Variants in ZEB1 observed in about 807,000 individuals in gnomAD.
ZEB1 encodes zinc finger E-box-binding homeobox 1.
In ZEB1, 21 loss-of-function variants were observed where a neutral mutation model predicts 84.9. The observed-to-expected ratio is 0.25, with a 90% confidence interval of 0.18 to 0.36. The LOEUF (loss-of-function observed/expected upper bound fraction) is 0.36, where lower values mean the gene tolerates loss of function less well. Ranked by LOEUF, ZEB1 falls within the 10% of genes least tolerant of loss-of-function variation. The pLI is 1.00. For synonymous variants in ZEB1, 420 were observed against 471.1 expected, an observed-to-expected ratio of 0.89 and a Z score of 1.41; for missense variants, 1,104 against 1,330.2, an observed-to-expected ratio of 0.83 and a Z score of 2.65.
intron 1 of ZEB1, among the ~76,000 whole-genome samples, chr10:31,457,626 C>T (rs962000121): frequency 1.3e-5 from 2 of 151,994 alleles, no homozygotes; most frequent in African/African-American, 4.8e-5. Flanking sequence ...CATAATCTAT[C>T]TTACAATGGC....
At chr10:31,353,258 ATACT>A (rs1590205191) in intron 1 of ZEB1, among the ~76,000 whole-genome samples, 4 of 152,340 alleles carry the variant, frequency 2.6e-5, no homozygotes, top group Admixed American at 6.5e-5. Flanking sequence ...TGTGATTATA[ATACT>A]TAAAGGTATG....
At chr10:31,415,703 C>A (rs2055106048) in intron 1 of ZEB1, among the ~76,000 whole-genome samples, 2 of 152,154 alleles carry the variant, frequency 1.3e-5, no homozygotes, top group Admixed American at 1.3e-4. Context: ...GGGAAAACTT[C>A]ATTTGAAAGC....
intron 4 of ZEB1, among the ~76,000 whole-genome samples, chr10:31,506,193 T>C (rs951523986): frequency 6.6e-6 from 1 of 152,062 alleles, no homozygotes. Context: ...CAACATACAG[T>C]CTATCCTAGA....
chr10:31,419,834 A>C (rs1440780349), intron 1 of ZEB1, among the ~76,000 whole-genome samples: 1 of 152,176 alleles, frequency 6.6e-6, no homozygotes, highest in Non-Finnish European at 1.5e-5. Context: ...AGACTGAATG[A>C]ATAAGTTAGG....
chr10:31,480,723 G>A (rs2064934403), intron 2 of ZEB1, among the ~76,000 whole-genome samples: 4 of 151,942 alleles, frequency 2.6e-5, no homozygotes. Context: ...TGTACATTTT[G>A]TCCTCTTTAA....
chr10:31,452,740 TGTGA>T (rs1262335596), intron 1 of ZEB1, among the ~76,000 whole-genome samples: 63 of 97,530 alleles, frequency 6.5e-4, no homozygotes, highest in East Asian at 6.2e-3. Context: ...TGTGTGTGTG[TGTGA>T]GAGAGAGAGA....
chr10:31,319,718 C>A (rs1348925830), intron 1 of ZEB1: 3 of 168,722 alleles, frequency 1.8e-5, no homozygotes, highest in Non-Finnish European at 2.5e-5. Context: ...TCCCCCTCCT[C>A]CTGGCCCCCT....
chr10:31,319,148 G>A (rs1290780317), upstream of ZEB1: 3 of 870,912 alleles, frequency 3.4e-6, no homozygotes, highest in Non-Finnish European at 5.4e-6. Context: ...GGTGGGGAGG[G>A]GGGAGGGGTG....
Position 31,461,233 on chromosome 10 carries a change from T to C in ZEB1, c.255T>C (p.Asp85=). The C allele has an allele frequency of 6.2e-7, 1 of 1,611,418 alleles. No individual in the cohort carries two copies. Reference sequence around the variant, plus strand: ...GGAATGCTAAGAACTGCTGGGAGGATGACAGTAAGTCTGATTTTTTTTTGT... The same window carrying C: ...GGAATGCTAAGAACTGCTGGGAGGACGACAGTAAGTCTGATTTTTTTTTGT... ...REGNAKNCWE[D]DTGKEGQEIL... is the part of the protein sequence containing the mutation. The change falls in exon 2 of 9, where the codon GAT becomes GAC. Residue 85 remains aspartate (D), a synonymous_variant. Transcript: ENST00000424869.
chr10:31,476,712 A>G (rs1228000601), intron 2 of ZEB1, among the ~76,000 whole-genome samples: 1 of 152,134 alleles, frequency 6.6e-6, no homozygotes, highest in East Asian at 1.9e-4. Flanking sequence ...ATGTATCACA[A>G]TCAAGTGTGT....
In ZEB1 at chr10:31,526,973, G is replaced by C; in HGVS notation, c.3087G>C (p.Leu1029Phe). Residue 1029 changes from leucine (L) to phenylalanine (F), a missense_variant, in exon 9 of 9, where the codon TTG becomes TTC. By Grantham distance (22) the Leu-to-Phe change is conservative. Around this residue, in one of 7 missense-constraint regions of ZEB1, gnomAD observed 173 missense variants for 167.0 expected, o/e 1.04. Coordinates refer to ENST00000424869, the MANE Select transcript of ZEB1 (RefSeq NM_001174096.2). ...GCGACTCGGACGAGAGAGAGAGTTTGACAAGGGAAGAGGATGAAGACAGTG... is the reference window on the plus strand; with the variant it reads ...GCGACTCGGACGAGAGAGAGAGTTTCACAAGGGAAGAGGATGAAGACAGTG... ...SQGDSDERES[L>F]TREEDEDSEK... 6.2e-7 allele frequency: 1 copy of C among 1,613,300 alleles called. No individual in the cohort carries two copies. The highest frequency in any genetic ancestry group is 8.5e-7 in the Non-Finnish European group (1 of 1,179,638).
At chr10:31,332,553 A>G (rs2037021676) in intron 1 of ZEB1, among the ~76,000 whole-genome samples, 1 of 152,194 alleles carries the variant, frequency 6.6e-6, no homozygotes, top group Admixed American at 6.5e-5. Context: ...TGTGTCATAG[A>G]TATTTAATAA....
Position 31,520,833 on chromosome 10 carries a change from A to G in ZEB1, c.1501A>G (p.Thr501Ala), listed in dbSNP as rs1481630869. 1 of 1,614,128 alleles carries G rather than the reference A, an allele frequency of 6.2e-7. No homozygotes were observed. Among genetic ancestry groups the G allele is most frequent in the Admixed American group, 1.7e-5 (1 of 60,004 alleles). Reference sequence around the variant, plus strand: ...TTTAAAAAAAGAAAATCCAGTCGCTACAAACAGTTGTAAAAGTGAAAAGTT... The same window carrying G: ...TTTAAAAAAAGAAAATCCAGTCGCTGCAAACAGTTGTAAAAGTGAAAAGTT... ...QNLKKENPVA[T>A]NSCKSEKLPE... Residue 501 changes from threonine to alanine, a missense_variant, in exon 7 of 9, where the codon ACA becomes GCA. Thr to Ala is a moderately conservative substitution (Grantham distance 58). Coordinates refer to ENST00000424869, the MANE Select transcript of ZEB1 (RefSeq NM_001174096.2). The surrounding 1 kb of genome is among the most constrained non-coding windows in gnomAD (Gnocchi z 5.1).
chr10:31,451,981 G>A (rs557045562), intron 1 of ZEB1, among the ~76,000 whole-genome samples: 35 of 152,100 alleles, frequency 2.3e-4, no homozygotes, highest in Non-Finnish European at 4.4e-4. Context: ...TTGCCTATCA[G>A]TTTTCATTCT....
chr10:31,429,988 G>C (rs191412100), intron 1 of ZEB1, among the ~76,000 whole-genome samples: 2 of 152,052 alleles, frequency 1.3e-5, no homozygotes, highest in Middle Eastern at 3.4e-3. Context: ...TGATCCACCC[G>C]CCTTGGCCTC....
chr10:31,319,306 G>C lies in ZEB1; in HGVS notation c.58+14G>C. The C allele has an allele frequency of 6.2e-7, 1 of 1,605,062 alleles. No homozygotes were observed. Among genetic ancestry groups the C allele is most frequent in the Non-Finnish European group, 8.5e-7 (1 of 1,176,862 alleles). ...GGCGCAATAACGGTGAGTGGCGGAG[G>C]GGACCGGGGAGCGGCGGAGTCAGGG... is the stretch of plus-strand genomic sequence containing the variant. On this transcript the variant is annotated intron_variant, in intron 1 of 8. Coordinates refer to ENST00000424869, the MANE Select transcript of ZEB1 (RefSeq NM_001174096.2).
At position 31,520,017 on chromosome 10, in the gene ZEB1, TG is replaced by T; in HGVS notation, c.794-107del. On this transcript the variant is annotated intron_variant, in intron 6 of 8. Coordinates refer to ENST00000424869, the MANE Select transcript of ZEB1 (RefSeq NM_001174096.2). This position sits in a 1 kb window ranked among gnomAD's most constrained non-coding sequence, Gnocchi z 5.1. ...AATACAGTTCTGTCACAAGCATGCA[TG>T]GCAGTCTTCTTTTTAAAATTGATAC... The T allele has an allele frequency of 7.2e-7, 1 of 1,386,310 alleles. No individual in the cohort carries two copies. Among genetic ancestry groups the T allele is most frequent in the African/African-American group, 1.4e-5 (1 of 69,430 alleles). The allele number at this position is 1,386,310 out of a possible 1,614,324, so 85.9% of individuals were successfully genotyped here.
chr10:31,417,566 T>G (rs771155511), intron 1 of ZEB1, among the ~76,000 whole-genome samples: 13 of 152,162 alleles, frequency 8.5e-5, no homozygotes, highest in Non-Finnish European at 1.5e-4. Flanking sequence ...ATTTAGTGCT[T>G]CTTCGGTGAT....
chr10:31,429,787 AG>A (rs935114632), intron 1 of ZEB1, among the ~76,000 whole-genome samples: 19 of 109,638 alleles, frequency 1.7e-4, no homozygotes, highest in African/African-American at 6.7e-4. Flanking sequence ...CTTGTCCCCC[AG>A]GCTGGAGTGC....
Sources: gnomAD v4.1 joint callset for allele counts (sites outside exome capture counted in the v4.1 genomes callset) on GRCh38, gnomAD v4.1.1 for gene constraint, gnomAD v4.1.1 regional missense constraint, Gnocchi (gnomAD v3.1) non-coding constraint, MANE v1.5 for transcripts, NCBI Gene and HGNC (gene_info 2026-07-23, HGNC 2026-07-21) for gene names.